PRCP: variants seen among roughly 807,000 people sequenced by gnomAD.
The protein encoded by PRCP is lysosomal Pro-X carboxypeptidase.
Under a neutral mutation model 54.2 loss-of-function variants are expected in PRCP, and 46 were observed. The observed-to-expected ratio is 0.85, with a 90% CI of 0.67 to 1.09. The LOEUF (loss-of-function observed/expected upper bound fraction) is 1.09. Ranked by LOEUF, PRCP falls within the 50% of genes least tolerant of loss-of-function variation. The pLI is 0.00. For missense variants in PRCP, 613 were observed against 596.8 expected, an observed-to-expected ratio of 1.03 and a Z score of -0.28; for synonymous variants, 240 against 212.2, an observed-to-expected ratio of 1.13 and a Z score of -1.14.
At chr11:82,827,524 T>G (rs1370813405) in intron 8 of PRCP, 2 of 152,184 alleles carry the variant, frequency 1.3e-5, no homozygotes, top group African/African-American at 4.8e-5. Context: ...AACTATTCTT[T>G]TCTCAATGAA....
intron 1 of PRCP, among the ~76,000 whole-genome samples, chr11:82,873,337 T>A (rs1469615597): frequency 1.3e-5 from 2 of 152,224 alleles, no homozygotes; most frequent in Admixed American, 1.3e-4. Context: ...ACAGCTGTAG[T>A]CACCACTATA....
chr11:82,825,216 T>A, intron 8 of PRCP, 94 bp from the exon 9 acceptor site: 1 of 1,108,014 alleles, frequency 9.0e-7, no homozygotes, highest in Non-Finnish European at 1.3e-6. Flanking sequence ...GTTTAACACC[T>A]AAAATTATAA....
At chr11:82,850,662 G>GTGGA (rs1283367261) in intron 3 of PRCP, among the ~76,000 whole-genome samples, 157 bp from the exon 4 acceptor site, 1 of 152,220 alleles carries the variant, frequency 6.6e-6, no homozygotes, top group Non-Finnish European at 1.5e-5. Flanking sequence ...CAATAACTGT[G>GTGGA]TGGATTCAAA....
At chr11:82,835,845 T>G in intron 8 of PRCP, 1 of 500,406 alleles carries the variant, frequency 2.0e-6, no homozygotes, top group East Asian at 5.5e-5. Context: ...CTTGACATTA[T>G]GCTTGGCAAT....
At chr11:82,841,289 T>G (rs1858665039) in intron 6 of PRCP, among the ~76,000 whole-genome samples, 1 of 148,412 alleles carries the variant, frequency 6.7e-6, no homozygotes, top group African/African-American at 2.5e-5. Context: ...AAAGGAAAAC[T>G]GTAAAAGAGA....
Position 82,849,920 on chromosome 11 carries a change from T to A in PRCP, c.745A>T (p.Asn249Tyr). The A allele has an allele frequency of 6.7e-7, 1 of 1,495,858 alleles. No homozygotes were observed. Among genetic ancestry groups the A allele is most frequent in the Non-Finnish European group, 8.9e-7 (1 of 1,122,302 alleles). 92.7% of individuals were successfully genotyped at this position (1,495,858 alleles called of 1,614,324 possible). A position where few individuals can be genotyped will look rare whatever the true frequency, so the allele number is the denominator to read the frequency against. Residue 249 changes from asparagine to tyrosine, a missense_variant, in exon 5 of 9, where the codon AAT becomes TAT. Physicochemically the swap from Asn to Tyr is moderately radical, Grantham distance 143. Coordinates refer to ENST00000313010, the MANE Select transcript of PRCP (RefSeq NM_005040.4). ...TCTCTTAATTAAAGCTTACCAGTAT[T>A]TGAGAGTCGATTAATGGCATCCCAG... ...RSWDAINRLS[N>Y]TGSGLQWLTG...
At chr11:82,858,246 CAG>C (rs944297498) in intron 2 of PRCP, 1 of 152,206 alleles carries the variant, frequency 6.6e-6, no homozygotes, top group African/African-American at 2.4e-5. Context: ...ATCCATTTAA[CAG>C]ATGAGAAAAC....
At chr11:82,841,421 C>T (rs193098752) in intron 6 of PRCP, among the ~76,000 whole-genome samples, 72 of 152,128 alleles carry the variant, frequency 4.7e-4, no homozygotes, top group Middle Eastern at 3.4e-3. Context: ...TTTTGAGAAA[C>T]TGTATATTAG....
At chr11:82,887,307 G>A (rs926351660) in intron 1 of PRCP, among the ~76,000 whole-genome samples, 4 of 152,110 alleles carry the variant, frequency 2.6e-5, no homozygotes, top group Non-Finnish European at 5.9e-5. Context: ...TCACTAAACT[G>A]TAAGCTGCAT....
chr11:82,884,118 A>T (rs1274017428), intron 1 of PRCP, among the ~76,000 whole-genome samples: 1 of 152,232 alleles, frequency 6.6e-6, no homozygotes, highest in Non-Finnish European at 1.5e-5. Flanking sequence ...AAATTCACTG[A>T]CAAATGATAA....
chr11:82,854,235 T>C (rs991383917), intron 2 of PRCP, among the ~76,000 whole-genome samples: 1 of 152,194 alleles, frequency 6.6e-6, no homozygotes, highest in African/African-American at 2.4e-5. Flanking sequence ...ACAAATGATA[T>C]GATGCTATAC....
intron 1 of PRCP, among the ~76,000 whole-genome samples, chr11:82,885,856 T>C (rs569952889): frequency 3.3e-5 from 5 of 152,346 alleles, no homozygotes; most frequent in Admixed American, 2.6e-4. Context: ...GATAATTTGC[T>C]CATGGACTGA....
At chr11:82,839,577 C>A in intron 6 of PRCP, 152 bp from the exon 7 acceptor site, 2 of 810,772 alleles carry the variant, frequency 2.5e-6, no homozygotes, top group South Asian at 1.8e-5. Context: ...TGGGTTTAAT[C>A]CCCTCCATAA....
At chr11:82,890,436 CTTG>C (rs1385518333) in intron 1 of PRCP, among the ~76,000 whole-genome samples, 1 of 152,172 alleles carries the variant, frequency 6.6e-6, no homozygotes, top group Admixed American at 6.5e-5. Context: ...TGTTCATGCT[CTTG>C]TTTTTTCATT....
intron 1 of PRCP, among the ~76,000 whole-genome samples, chr11:82,865,586 T>G: frequency 6.6e-6 from 1 of 152,128 alleles, no homozygotes; most frequent in East Asian, 1.9e-4. Context: ...AACTAAAATT[T>G]TACTAAAGAT....
At chr11:82,887,625 C>T (rs1432940649) in intron 1 of PRCP, among the ~76,000 whole-genome samples, 1 of 152,170 alleles carries the variant, frequency 6.6e-6, no homozygotes, top group Non-Finnish European at 1.5e-5. Flanking sequence ...AAGTCTCTTT[C>T]CCTCTTCTGT....
Position 82,882,592 on chromosome 11 carries a change from T to G in PRCP, c.168+17643A>C, listed in dbSNP as rs967365600. On this transcript the variant is annotated intron_variant, in intron 1 of 8. Transcript: ENST00000313010. ...CTCACTGCAAGCTCCGCCTCCCGGG[T>G]TCACGCCATTCTCCTGCCTCAGCCT... is the stretch of plus-strand genomic sequence containing the variant. 5.6e-5 allele frequency among the ~76,000 whole-genome samples: 8 copies of G among 143,636 alleles called. No homozygotes were observed. In the South Asian group the frequency reaches 6.6e-4, roughly 12 times the overall value. 94.2% of individuals were successfully genotyped at this position (143,636 alleles called of 152,430 possible). A position where few individuals can be genotyped will look rare whatever the true frequency, so the allele number is the denominator to read the frequency against.
At chr11:82,873,811 T>C (rs563365609) in intron 1 of PRCP, among the ~76,000 whole-genome samples, 3 of 152,310 alleles carry the variant, frequency 2.0e-5, no homozygotes, top group South Asian at 2.1e-4. Flanking sequence ...TTTTATCACA[T>C]TGAAAAATAC....
At chr11:82,899,079 C>G (rs1375124904) in intron 1 of PRCP, among the ~76,000 whole-genome samples, 1 of 152,208 alleles carries the variant, frequency 6.6e-6, no homozygotes, top group Non-Finnish European at 1.5e-5. Flanking sequence ...CACATAAGGG[C>G]TGGGCTCAGT....
Sources: gnomAD v4.1 joint callset for allele counts (sites outside exome capture counted in the v4.1 genomes callset) on GRCh38, gnomAD v4.1.1 for gene constraint, MANE v1.5 for transcripts, NCBI Gene and HGNC (gene_info 2026-07-23, HGNC 2026-07-21) for gene names.